The following SLC30A8 variants were observed in gnomAD, a reference collection of about 807,000 sequenced individuals.
The protein encoded by SLC30A8 is proton-coupled zinc antiporter SLC30A8.
In SLC30A8, 27 loss-of-function variants were observed where a neutral mutation model predicts 36.9. The ratio of observed to expected loss-of-function variants is 0.73; its 90% CI spans 0.54 to 1.01. SLC30A8 has a LOEUF of 1.01. Among genes scored for constraint, SLC30A8 ranks in the 50% least tolerant of loss-of-function variants. SLC30A8 has a pLI of 0.00. For missense variants in SLC30A8, 439 were observed against 452.0 expected (o/e 0.97, Z 0.26); for synonymous variants, 164 against 172.4 (o/e 0.95, Z 0.38).
At chr8:117,148,201 T>C (rs576608952) in intron 2 of SLC30A8, among the ~76,000 whole-genome samples, 2 of 152,232 alleles carry the variant, frequency 1.3e-5, no homozygotes, top group South Asian at 4.1e-4. Flanking sequence ...CTCCATCTAC[T>C]GAGAAGATAG....
chr8:116,967,337 C>T (rs1355851853), intron 1 of SLC30A8, among the ~76,000 whole-genome samples: 1 of 152,084 alleles, frequency 6.6e-6, no homozygotes, highest in Non-Finnish European at 1.5e-5. Context: ...AATATCTTTT[C>T]CTTATGATTT....
intron 1 of SLC30A8, among the ~76,000 whole-genome samples, chr8:116,974,835 C>T (rs923836808): frequency 6.6e-6 from 1 of 152,030 alleles, no homozygotes; most frequent in Non-Finnish European, 1.5e-5. Context: ...GGCAGATATA[C>T]TCCATGGTAT....
intron 1 of SLC30A8, among the ~76,000 whole-genome samples, chr8:116,959,863 G>A (rs1814357088): frequency 1.3e-5 from 2 of 152,188 alleles, no homozygotes; most frequent in South Asian, 4.1e-4. Context: ...TTATATGCAT[G>A]TGTTTATAAA....
chr8:117,171,073 T>G lies in SLC30A8; in HGVS notation c.869T>G (p.Leu290Arg), dbSNP rs867484704. 2 of 1,611,632 alleles carry G rather than the reference T, an allele frequency of 1.2e-6. No individual in the cohort carries two copies. The highest frequency in any genetic ancestry group is 1.7e-6 in the Non-Finnish European group (2 of 1,178,904). Residue 290 changes from leucine (L) to arginine (R), a missense_variant, in exon 7 of 8, where the codon CTT becomes CGT. Physicochemically the swap from Leu to Arg is moderately radical, Grantham distance 102. Transcript: ENST00000456015. ...KSLNYSGVKE[L>R]ILAVDGVLSV... ...CTGAATTACAGTGGTGTGAAAGAGC[T>G]TATTTTAGCAGTCGACGGGGTGCTG...
chr8:117,029,292 T>G lies in SLC30A8; in HGVS notation c.-265-9927T>G, dbSNP rs111607578. 2.4e-3 allele frequency among the ~76,000 whole-genome samples: 364 copies of G among 152,308 alleles called. 2 individuals carry two copies. Among genetic ancestry groups the G allele is most frequent in the African/African-American group, 8.5e-3 (354 of 41,580 alleles). On this transcript the variant is annotated intron_variant, in intron 1 of 10. Coordinates refer to the SLC30A8 transcript ENST00000427715. ...CTACCCACTTTTAATACTCAGGTCC[T>G]TGCAATTGTCATAAGAAATTCAGCA...
intron 2 of SLC30A8, among the ~76,000 whole-genome samples, chr8:117,101,541 A>G (rs1819721033): frequency 1.3e-5 from 2 of 152,320 alleles, no homozygotes; most frequent in South Asian, 4.1e-4. Flanking sequence ...ATATGATGTG[A>G]TGGTTAATAG....
rs867212349 is a variant in SLC30A8 at position 116,989,417 on chromosome 8, C to T, written c.-266+38298C>T. Reference sequence around the variant, plus strand: ...TGAAAACATGTCTGAAGCTGTTGACCATAAGTTCACCAAATTGTTCATTCT... The same window carrying T: ...TGAAAACATGTCTGAAGCTGTTGACTATAAGTTCACCAAATTGTTCATTCT... On this transcript the variant is annotated intron_variant, in intron 1 of 10. Transcript: ENST00000427715. 1.4e-4 allele frequency among the ~76,000 whole-genome samples: 22 copies of T among 152,230 alleles called. No individual in the cohort carries two copies. In the South Asian group the frequency reaches 3.9e-3, roughly 27 times the overall value.
chr8:116,971,461 A>G (rs1814795010), intron 1 of SLC30A8, among the ~76,000 whole-genome samples: 1 of 152,220 alleles, frequency 6.6e-6, no homozygotes, highest in South Asian at 2.1e-4. Context: ...CCATCTTTAG[A>G]GATGAACTGG....
chr8:117,140,383 C>T (rs73317621), intron 1 of SLC30A8, among the ~76,000 whole-genome samples: 15,921 of 152,064 alleles, frequency 0.1, 1,428 homozygotes, highest in African/African-American at 0.25. Context: ...TATTAATCTA[C>T]ACATTCATGA....
intron 3 of SLC30A8, among the ~76,000 whole-genome samples, chr8:117,154,672 C>T (rs770361316): frequency 5.9e-5 from 9 of 152,166 alleles, no homozygotes; most frequent in East Asian, 1.9e-4. Context: ...GCTTGAACAG[C>T]GCTACACTTG....
rs1823710899 is a variant in SLC30A8, at chr8:117,176,656, T to A, written c.*3975T>A. ...TGTCATTCTGTTACTGGGCACCTGT[T>A]TAAATTCTATTTTAAAATGTTAATG... On this transcript the variant is annotated 3_prime_UTR_variant, in exon 8 of 8. Coordinates refer to ENST00000456015, the MANE Select transcript of SLC30A8 (RefSeq NM_173851.3). 1 of 152,552 alleles carries A rather than the reference T, an allele frequency of 6.6e-6. No homozygotes were observed. The highest frequency in any genetic ancestry group is 1.5e-5 in the Non-Finnish European group (1 of 68,002). 9.4% of individuals were successfully genotyped at this position (152,552 alleles called of 1,614,324 possible). A position where few individuals can be genotyped will look rare whatever the true frequency, so the allele number is the denominator to read the frequency against.
intron 6 of SLC30A8, chr8:117,164,051 G>A (rs1822931110): frequency 1.3e-5 from 2 of 152,584 alleles, no homozygotes; most frequent in Admixed American, 6.5e-5. Context: ...GCTGTAGTGT[G>A]CTATGAGGTT....
intron 1 of SLC30A8, among the ~76,000 whole-genome samples, chr8:117,137,557 G>A (rs1821420033): frequency 1.3e-5 from 2 of 151,994 alleles, no homozygotes; most frequent in African/African-American, 4.8e-5. Flanking sequence ...ATAGAAGGCT[G>A]CATTCTGCTG....
intron 3 of SLC30A8, among the ~76,000 whole-genome samples, chr8:117,156,224 G>A (rs1306125812): frequency 2.0e-5 from 3 of 152,012 alleles, no homozygotes; most frequent in African/African-American, 7.2e-5. Context: ...TGTATTTTTA[G>A]TAGAGATGGG....
At chr8:117,035,064 C>T (rs1383381075) in intron 1 of SLC30A8, among the ~76,000 whole-genome samples, 1 of 152,140 alleles carries the variant, frequency 6.6e-6, no homozygotes, top group African/African-American at 2.4e-5. Flanking sequence ...TGGGTGTGGA[C>T]ACAGAGCCAA....
At chr8:117,168,307 A>C (rs554332382) in intron 6 of SLC30A8, among the ~76,000 whole-genome samples, 1 of 152,240 alleles carries the variant, frequency 6.6e-6, no homozygotes, top group East Asian at 1.9e-4. Context: ...CATCACAACC[A>C]CTGAGTATTA....
intron 1 of SLC30A8, among the ~76,000 whole-genome samples, chr8:117,004,818 T>C (rs1489849121): frequency 6.6e-6 from 1 of 152,198 alleles, no homozygotes; most frequent in Non-Finnish European, 1.5e-5. Context: ...GGGTAAACTA[T>C]ATAATAGTAG....
chr8:117,109,581 C>G (rs1047150337), intron 2 of SLC30A8, among the ~76,000 whole-genome samples: 2 of 147,916 alleles, frequency 1.4e-5, no homozygotes, highest in African/African-American at 5.0e-5. Flanking sequence ...TTATAAATTC[C>G]TAAGAGCCCC....
At chr8:117,018,826 A>AT (rs1232462018) in intron 1 of SLC30A8, among the ~76,000 whole-genome samples, 1 of 151,804 alleles carries the variant, frequency 6.6e-6, no homozygotes, top group African/African-American at 2.4e-5. Flanking sequence ...CGCCTAGCTA[A>AT]TTTTTTGTAT....
Sources: gnomAD v4.1 joint callset for allele counts (sites outside exome capture counted in the v4.1 genomes callset) on GRCh38, gnomAD v4.1.1 for gene constraint, MANE v1.5 for transcripts, NCBI Gene and HGNC (gene_info 2026-07-23, HGNC 2026-07-21) for gene names.